Variants in CNTN4 observed in about 807,000 individuals in gnomAD.
CNTN4 encodes the protein contactin-4.
A neutral mutation model predicts 122.5 loss-of-function variants in CNTN4; 77 were observed. The ratio of observed to expected loss-of-function variants is 0.63; its 90% confidence interval spans 0.52 to 0.76. The LOEUF is 0.76. CNTN4 is among the 30% of genes least tolerant of loss of function. CNTN4 has a pLI of 0.00. For synonymous variants in CNTN4, 512 were observed against 447.0 expected (o/e 1.15, Z -1.83); for missense variants, 1,256 against 1,259.1 (o/e 1.00, Z 0.04).
At chr3:2,334,531 C>T (rs1204187004) in intron 2 of CNTN4, among the ~76,000 whole-genome samples, 1 of 150,542 alleles carries the variant, frequency 6.6e-6, no homozygotes, top group Admixed American at 6.7e-5. Context: ...CAACAAACTA[C>T]AAGAGGTTAT....
chr3:2,948,358 C>A (rs1456851953), intron 13 of CNTN4, among the ~76,000 whole-genome samples: 1 of 152,118 alleles, frequency 6.6e-6, no homozygotes, highest in Non-Finnish European at 1.5e-5. Context: ...CAAAGTGGAA[C>A]AAATAAAATA....
At chr3:2,743,313 T>C (rs917347446) in intron 5 of CNTN4, among the ~76,000 whole-genome samples, 5 of 152,212 alleles carry the variant, frequency 3.3e-5, no homozygotes. Context: ...GAGATTCATG[T>C]GCACATAGAG....
intron 14 of CNTN4, among the ~76,000 whole-genome samples, chr3:2,999,566 G>A (rs1292061096): frequency 6.6e-6 from 1 of 152,116 alleles, no homozygotes; most frequent in Non-Finnish European, 1.5e-5. Context: ...GTTCCTAGAT[G>A]GCACCTTGAA....
chr3:2,178,528 T>C (rs984598484), intron 2 of CNTN4, among the ~76,000 whole-genome samples: 8 of 152,208 alleles, frequency 5.3e-5, no homozygotes, highest in African/African-American at 1.7e-4. Context: ...CAGAGACTTA[T>C]GTTAGGCTTG....
At chr3:2,693,943 C>T (rs1186797337) in intron 4 of CNTN4, among the ~76,000 whole-genome samples, 1 of 152,188 alleles carries the variant, frequency 6.6e-6, no homozygotes, top group Non-Finnish European at 1.5e-5. Context: ...TTATTAGACA[C>T]ATTCTTCTTA....
At chr3:3,005,850 T>C (rs1362663448) in intron 14 of CNTN4, among the ~76,000 whole-genome samples, 5 of 151,820 alleles carry the variant, frequency 3.3e-5, no homozygotes, top group African/African-American at 1.2e-4. Flanking sequence ...GAAACAAACA[T>C]TAGTCAATTG....
intron 2 of CNTN4, among the ~76,000 whole-genome samples, chr3:2,259,710 T>G (rs1325649237): frequency 1.3e-5 from 2 of 152,286 alleles, no homozygotes; most frequent in East Asian, 3.9e-4. Flanking sequence ...ACCCGTATGA[T>G]TCAGTTTTCT....
chr3:2,303,240 T>C (rs557152092), intron 2 of CNTN4, among the ~76,000 whole-genome samples: 1 of 152,342 alleles, frequency 6.6e-6, no homozygotes, highest in Admixed American at 6.5e-5. Context: ...CCATATAGTT[T>C]ACTTTTTTAA....
At chr3:2,600,804 T>C (rs1393441563) in intron 4 of CNTN4, among the ~76,000 whole-genome samples, 1 of 152,206 alleles carries the variant, frequency 6.6e-6, no homozygotes, top group Non-Finnish European at 1.5e-5. Flanking sequence ...TGAACTAGTT[T>C]ACAGTCCCAC....
chr3:2,476,495 A>G (rs1420542650), intron 3 of CNTN4, among the ~76,000 whole-genome samples: 2 of 152,234 alleles, frequency 1.3e-5, no homozygotes, highest in East Asian at 3.8e-4. Flanking sequence ...CAGCAATAAA[A>G]GGAACAAAGC....
chr3:2,881,240 C>T lies in CNTN4; in HGVS notation c.653-1905C>T, dbSNP rs143839702. ...TGAAAAGGGTCACCTCGGTGGGGTG[C>T]GGTGGCTCATGCCTGTAATCCCAGC... is the stretch of plus-strand genomic sequence containing the variant. On this transcript the variant is annotated intron_variant, in intron 8 of 24. Coordinates refer to ENST00000418658, the MANE Select transcript of CNTN4 (RefSeq NM_175607.3). Among the ~76,000 whole-genome samples the T allele has an allele frequency of 3.9e-3, 586 of 152,166 alleles. 1 individual carries two copies. The highest frequency in any genetic ancestry group is 6.0e-3 in the Non-Finnish European group (409 of 67,992).
intron 7 of CNTN4, among the ~76,000 whole-genome samples, chr3:2,855,809 A>G (rs908261641): frequency 6.6e-6 from 1 of 152,082 alleles, no homozygotes. Flanking sequence ...AGTCAGTCAT[A>G]TTTTCTTTCT....
At position 2,984,547 on chromosome 3, in the gene CNTN4, C is replaced by T. The variant is rs928274944; in HGVS notation, c.1359-3798C>T. On this transcript the variant is annotated intron_variant, in intron 13 of 24. Transcript: ENST00000418658. Reference sequence around the variant, plus strand: ...AAGGTTGGGAAACTCTGTCTCAGAGCTTGCATAAGTAACTTGGCTATGCCA... The same window carrying T: ...AAGGTTGGGAAACTCTGTCTCAGAGTTTGCATAAGTAACTTGGCTATGCCA... 2.4e-4 allele frequency among the ~76,000 whole-genome samples: 36 copies of T among 152,230 alleles called. 1 individual carries two copies. The highest frequency in any genetic ancestry group is 2.6e-4 in the Admixed American group (4 of 15,286).
chr3:2,413,717 T>C (rs2151053822), intron 3 of CNTN4, among the ~76,000 whole-genome samples: 1 of 152,248 alleles, frequency 6.6e-6, no homozygotes, highest in African/African-American at 2.4e-5. Flanking sequence ...CTAATTTTTG[T>C]ATTTTTAGTA....
chr3:2,181,175 G>A (rs1436246502), intron 2 of CNTN4, among the ~76,000 whole-genome samples: 2 of 151,872 alleles, frequency 1.3e-5, no homozygotes, highest in Non-Finnish European at 2.9e-5. Context: ...ATGCATTATT[G>A]AAAAAAATAT....
chr3:2,257,483 A>G (rs2040644966), intron 2 of CNTN4, among the ~76,000 whole-genome samples: 1 of 152,228 alleles, frequency 6.6e-6, no homozygotes, highest in Non-Finnish European at 1.5e-5. Flanking sequence ...AAAAGAAACT[A>G]TCATCAGAGT....
At chr3:2,715,525 G>T (rs1281220496) in intron 4 of CNTN4, among the ~76,000 whole-genome samples, 1 of 152,168 alleles carries the variant, frequency 6.6e-6, no homozygotes, top group Non-Finnish European at 1.5e-5. Context: ...TTGTTTTAAG[G>T]ATTAAGTGAG....
intron 5 of CNTN4, among the ~76,000 whole-genome samples, chr3:2,736,951 T>C (rs1198503663): frequency 1.3e-5 from 2 of 151,892 alleles, no homozygotes; most frequent in South Asian, 4.2e-4. Flanking sequence ...GCCCAGCTAA[T>C]CTTTGTATTT....
chr3:2,621,452 G>A (rs1242286762), intron 4 of CNTN4, among the ~76,000 whole-genome samples: 1 of 151,784 alleles, frequency 6.6e-6, no homozygotes, highest in East Asian at 2.0e-4. Context: ...AGAACACATG[G>A]TCACAGGTCA....
Sources: gnomAD v4.1 joint callset for allele counts (sites outside exome capture counted in the v4.1 genomes callset) on GRCh38, gnomAD v4.1.1 for gene constraint, MANE v1.5 for transcripts, NCBI Gene and HGNC (gene_info 2026-07-23, HGNC 2026-07-21) for gene names.